The following EML1 variants were observed in gnomAD, a reference collection of about 807,000 sequenced individuals.
EML1 encodes echinoderm microtubule-associated protein-like 1.
EML1 carries 27 observed loss-of-function variants against 110.4 expected under a neutral mutation model. The ratio of observed to expected loss-of-function variants is 0.24; its 90% CI spans 0.18 to 0.34. EML1 has a LOEUF of 0.34. EML1 is among the 10% of genes least tolerant of loss of function. The pLI, the probability that EML1 is intolerant of heterozygous loss-of-function variation, is 1.00. For synonymous variants in EML1, 344 were observed against 385.8 expected (o/e 0.89, Z 1.27); for missense variants, 741 against 1,030.9 (o/e 0.72, Z 3.85).
intron 3 of EML1, among the ~76,000 whole-genome samples, chr14:99,877,913 C>G (rs2059320552): frequency 6.6e-6 from 1 of 152,140 alleles, no homozygotes; most frequent in African/African-American, 2.4e-5. Context: ...CTTGGGGGCA[C>G]CATCCCCCCG....
intron 10 of EML1, 172 bp from the exon 11 acceptor site, chr14:99,909,173 A>G (rs572168696): frequency 9.8e-7 from 1 of 1,016,392 alleles, no homozygotes; most frequent in Admixed American, 1.8e-5. Flanking sequence ...TAAGGCCCAC[A>G]CCAGCATATG....
intron 1 of EML1, among the ~76,000 whole-genome samples, chr14:99,798,914 A>G (rs2057825731): frequency 6.6e-6 from 1 of 152,172 alleles, no homozygotes; most frequent in African/African-American, 2.4e-5. Flanking sequence ...TTGTAATGCT[A>G]TAAATAATCC....
intron 1 of EML1, among the ~76,000 whole-genome samples, chr14:99,779,329 T>TC (rs2057515096): frequency 6.6e-6 from 1 of 152,226 alleles, no homozygotes; most frequent in Non-Finnish European, 1.5e-5. Flanking sequence ...AAAGATGTTT[T>TC]ATCATCTAAT....
chr14:99,858,979 T>C (rs2058953922), intron 2 of EML1, among the ~76,000 whole-genome samples: 1 of 152,224 alleles, frequency 6.6e-6, no homozygotes, highest in Non-Finnish European at 1.5e-5. Flanking sequence ...TGATGTAAGT[T>C]AAAAGCATTT....
intron 17 of EML1, among the ~76,000 whole-genome samples, chr14:99,928,480 G>A (rs1335211687): frequency 1.3e-5 from 2 of 151,980 alleles, no homozygotes; most frequent in Non-Finnish European, 2.9e-5. Flanking sequence ...CTGAAGGGAG[G>A]AGATCACAAT....
At chr14:99,892,070 G>C (rs1408473546) in intron 5 of EML1, 1 of 926,018 alleles carries the variant, frequency 1.1e-6, no homozygotes, top group East Asian at 1.2e-4. Context: ...CTGCGGGCTA[G>C]TGAGGGCTCC....
Position 99,756,586 on chromosome 14 carries a change from G to C in EML1, c.28+18726G>C, listed in dbSNP as rs538856628. Among the ~76,000 whole-genome samples, 238 of 152,332 alleles carry C rather than the reference G, an allele frequency of 1.6e-3. 1 individual carries two copies. Among genetic ancestry groups the C allele is most frequent in the African/African-American group, 5.6e-3 (234 of 41,584 alleles). Reference sequence around the variant, plus strand: ...ATGACAGTCTAAGCCTATACCTAAAGAATGGTGGGGTCATCGACCCAATTT... The same window carrying C: ...ATGACAGTCTAAGCCTATACCTAAACAATGGTGGGGTCATCGACCCAATTT... On this transcript the variant is annotated intron_variant, in intron 1 of 10. Transcript: ENST00000554479.
intron 1 of EML1, among the ~76,000 whole-genome samples, chr14:99,738,344 A>G (rs12232161): frequency 0.71 from 108,097 of 152,190 alleles, 42,041 homozygotes; most frequent in South Asian, 0.9. Context: ...GTGTGCCCTC[A>G]TATCCTCTAG....
chr14:99,762,741 G>A (rs544135919), intron 1 of EML1, among the ~76,000 whole-genome samples: 2 of 152,318 alleles, frequency 1.3e-5, no homozygotes, highest in East Asian at 3.9e-4. Flanking sequence ...TGAGACTGCA[G>A]TAAGCCATAT....
In EML1 at chr14:99,781,834, C is replaced by G. The variant is rs1188213743; in HGVS notation, c.-27+7821C>G. Among the ~76,000 whole-genome samples the G allele has an allele frequency of 1.3e-5, 2 of 152,172 alleles. No homozygotes were observed. The highest frequency in any genetic ancestry group is 4.8e-5 in the African/African-American group (2 of 41,440). ...GCATTTCTAGCCTCTTTCCCGCCTC[C>G]TCTCCATACCTCTCATCTCCCAGAC... On this transcript the variant is annotated intron_variant, in intron 1 of 22. Transcript: ENST00000327921. This position sits in a 1 kb window ranked among gnomAD's most constrained non-coding sequence, Gnocchi z 4.2.
At position 99,781,075 on chromosome 14, in the gene EML1, C is replaced by A. The variant is rs2140215199; in HGVS notation, c.-27+7062C>A. On this transcript the variant is annotated intron_variant, in intron 1 of 22. Coordinates refer to the EML1 transcript ENST00000327921. The surrounding 1 kb of genome is among the most constrained non-coding windows in gnomAD (Gnocchi z 4.2). ...AAGCATCTCTCCTTCTTTCCAAGGA[C>A]ACGCGCCCCTGCCCCCAGAATACTG... Among the ~76,000 whole-genome samples, 1 of 152,258 alleles carries A rather than the reference C, an allele frequency of 6.6e-6. No individual in the cohort carries two copies. Among genetic ancestry groups the A allele is most frequent in the Non-Finnish European group, 1.5e-5 (1 of 68,008 alleles).
intron 1 of EML1, among the ~76,000 whole-genome samples, chr14:99,749,050 C>T (rs1421093986): frequency 6.6e-6 from 1 of 152,236 alleles, no homozygotes; most frequent in East Asian, 1.9e-4. Context: ...TTTCACTCGT[C>T]TGTTCACCAG....
intron 2 of EML1, among the ~76,000 whole-genome samples, chr14:99,859,141 A>C (rs2058957250): frequency 6.6e-6 from 1 of 152,340 alleles, no homozygotes; most frequent in Non-Finnish European, 1.5e-5. Flanking sequence ...TTCTAATTCA[A>C]CCATTTAGAA....
intron 1 of EML1, among the ~76,000 whole-genome samples, chr14:99,741,615 GC>G (rs2057042985): frequency 1.2e-5 from 1 of 85,616 alleles, no homozygotes; most frequent in Admixed American, 1.6e-4. Context: ...CAGCACCCCA[GC>G]TTTTTGCGCC....
chr14:99,755,721 A>G (rs761510504), intron 1 of EML1, among the ~76,000 whole-genome samples: 1 of 152,092 alleles, frequency 6.6e-6, no homozygotes, highest in Non-Finnish European at 1.5e-5. Context: ...TCTAATTCAC[A>G]CAGATGCTGA....
At chr14:99,801,993 C>G (rs1381895479) in intron 1 of EML1, among the ~76,000 whole-genome samples, 1 of 152,122 alleles carries the variant, frequency 6.6e-6, no homozygotes, top group African/African-American at 2.4e-5. Context: ...TTCATGACAA[C>G]AGTGATAGGT....
chr14:99,886,399 T>C (rs1348809488), intron 4 of EML1, among the ~76,000 whole-genome samples: 1 of 152,126 alleles, frequency 6.6e-6, no homozygotes, highest in Non-Finnish European at 1.5e-5. Flanking sequence ...AGAGGATGGC[T>C]TGAGCCAGGA....
chr14:99,754,425 G>T (rs2057220869), intron 1 of EML1, among the ~76,000 whole-genome samples: 1 of 152,168 alleles, frequency 6.6e-6, no homozygotes, highest in Non-Finnish European at 1.5e-5. Flanking sequence ...GGTGCAAAGG[G>T]CTCCACCAGA....
chr14:99,844,788 T>C (rs2139813482), intron 1 of EML1, among the ~76,000 whole-genome samples: 1 of 152,316 alleles, frequency 6.6e-6, no homozygotes, highest in South Asian at 2.1e-4. Flanking sequence ...ATGTAACCTT[T>C]TGAGATGGGC....
Sources: gnomAD v4.1 joint callset for allele counts (sites outside exome capture counted in the v4.1 genomes callset) on GRCh38, gnomAD v4.1.1 for gene constraint, Gnocchi (gnomAD v3.1) non-coding constraint, MANE v1.5 for transcripts, NCBI Gene and HGNC (gene_info 2026-07-23, HGNC 2026-07-21) for gene names.